Variants in LGSN observed in about 807,000 individuals in gnomAD.
The protein encoded by LGSN is lengsin, lens protein with glutamine synthetase domain, also known as lengsin.
LGSN carries 21 observed loss-of-function variants against 19.5 expected under a neutral mutation model. That is an observed-to-expected ratio of 1.07 (90% CI 0.76 to 1.55). The LOEUF (loss-of-function observed/expected upper bound fraction) is 1.55. Ranked by LOEUF, LGSN falls within the 40% of genes most tolerant of loss-of-function variation. The pLI is 0.00. For synonymous variants in LGSN, 257 were observed against 215.6 expected (o/e 1.19, Z -1.68); for missense variants, 673 against 608.5 (o/e 1.11, Z -1.12).
chr6:63,512,692 T>G, the LGSN span, among the ~76,000 whole-genome samples: 3 of 152,162 alleles, frequency 2.0e-5, no homozygotes, highest in Non-Finnish European at 2.9e-5. Context: ...TCAGATAACA[T>G]GTTGAAGGAT....
the LGSN span, among the ~76,000 whole-genome samples, chr6:63,529,170 T>C: frequency 2.7e-5 from 4 of 147,516 alleles, no homozygotes; most frequent in Non-Finnish European, 6.0e-5. Context: ...TGTGTATATA[T>C]ATATATGTAT....
intron 2 of LGSN, among the ~76,000 whole-genome samples, 200 bp from the exon 3 acceptor site, chr6:63,285,953 G>C (rs1029725520): frequency 3.3e-5 from 5 of 152,082 alleles, no homozygotes; most frequent in African/African-American, 1.2e-4. Context: ...TAAACAACCT[G>C]AGAGATCATT....
chr6:63,526,702 G>A, the LGSN span, among the ~76,000 whole-genome samples: 3 of 150,290 alleles, frequency 2.0e-5, no homozygotes, highest in South Asian at 2.1e-4. Context: ...CAGCTACTCC[G>A]GAGGCTGCAT....
At chr6:63,390,683 C>T in the LGSN span, among the ~76,000 whole-genome samples, 2 of 150,826 alleles carry the variant, frequency 1.3e-5, no homozygotes, top group Non-Finnish European at 3.0e-5. Flanking sequence ...GGTGAAACCC[C>T]GTCTCTACTA....
At chr6:63,534,853 T>G in the LGSN span, among the ~76,000 whole-genome samples, 3 of 91,500 alleles carry the variant, frequency 3.3e-5, no homozygotes, top group African/African-American at 8.1e-5. Flanking sequence ...ATTTCTGTAC[T>G]AAATTCTTTA....
the LGSN span, among the ~76,000 whole-genome samples, chr6:63,467,753 G>A: frequency 4.6e-5 from 7 of 152,246 alleles, no homozygotes; most frequent in East Asian, 1.9e-4. Flanking sequence ...GTGCGGTGGC[G>A]TGATCTCGGC....
the LGSN span, among the ~76,000 whole-genome samples, chr6:63,515,246 T>G: frequency 6.9e-6 from 1 of 144,084 alleles, no homozygotes; most frequent in Non-Finnish European, 1.5e-5. Flanking sequence ...TGTTTGTTTG[T>G]TTTGAGACAG....
At chr6:63,476,535 G>T in the LGSN span, among the ~76,000 whole-genome samples, 1 of 152,194 alleles carries the variant, frequency 6.6e-6, no homozygotes, top group Admixed American at 6.5e-5. Context: ...GGATGTCAAA[G>T]ATACAAGGCA....
the LGSN span, among the ~76,000 whole-genome samples, chr6:63,379,950 G>T: frequency 8.1e-3 from 1,230 of 151,940 alleles, 13 homozygotes; most frequent in South Asian, 0.026. Flanking sequence ...CAATTTTCCT[G>T]CCTCAGCCTC....
the LGSN span, chr6:63,550,340 T>C: frequency 6.6e-6 from 1 of 151,720 alleles, no homozygotes; most frequent in Non-Finnish European, 1.5e-5. Context: ...ATAAAAGGAG[T>C]TGTGAGAGGC....
chr6:63,294,820 CA>C (rs1009632868), intron 2 of LGSN, 92 bp downstream of exon 2: 11 of 1,314,540 alleles, frequency 8.4e-6, no homozygotes, highest in Non-Finnish European at 9.7e-6. Context: ...TTGCTTCTCC[CA>C]AAAAAGAAAT....
the LGSN span, among the ~76,000 whole-genome samples, chr6:63,564,771 G>C: frequency 6.6e-6 from 1 of 152,106 alleles, no homozygotes; most frequent in Admixed American, 6.5e-5. Flanking sequence ...TGGCCTTCCT[G>C]ATTTTCAATT....
chr6:63,506,253 GTGTTGT>G, the LGSN span, among the ~76,000 whole-genome samples: 1 of 44,424 alleles, frequency 2.3e-5, no homozygotes, highest in African/African-American at 1.2e-4. Flanking sequence ...GGTGGTGGTG[GTGTTGT>G]TGTTGTTGTT....
chr6:63,554,660 G>A, the LGSN span, among the ~76,000 whole-genome samples: 1 of 152,062 alleles, frequency 6.6e-6, no homozygotes, highest in South Asian at 2.1e-4. Flanking sequence ...AGACATGGTG[G>A]CATGTAGTCC....
chr6:63,386,403 T>C, the LGSN span, among the ~76,000 whole-genome samples: 1 of 151,656 alleles, frequency 6.6e-6, no homozygotes, highest in African/African-American at 2.4e-5. Flanking sequence ...TTTATTTTAC[T>C]ATTATTATTA....
At chr6:63,486,928 C>T in the LGSN span, among the ~76,000 whole-genome samples, 132 of 151,824 alleles carry the variant, frequency 8.7e-4, no homozygotes, top group Admixed American at 4.7e-3. Flanking sequence ...CTCCACCTCC[C>T]GGGTTCCAGT....
chr6:63,300,664 CA>C lies in LGSN; in HGVS notation c.31-5620del, dbSNP rs201071151. Among the ~76,000 whole-genome samples the C allele has an allele frequency of 8.3e-4, 125 of 151,500 alleles. 2 individuals are homozygous for C. The East Asian group carries it at 0.018, about 22-fold the overall frequency. The stretch of plus-strand genomic sequence containing the variant: ...CTGGGTGACAAAGCAAGATCTATCT[CA>C]AAAAATAAAAATAAAAAATAAGAAT... On this transcript the variant is annotated intron_variant, in intron 1 of 3. Coordinates refer to ENST00000370657, the MANE Select transcript of LGSN (RefSeq NM_016571.3).
the LGSN span, among the ~76,000 whole-genome samples, chr6:63,485,298 G>A: frequency 1.2e-4 from 19 of 152,044 alleles, 1 homozygote; most frequent in Admixed American, 1.2e-3. Flanking sequence ...TTGGTTTTCT[G>A]TTCCTGCATT....
the LGSN span, among the ~76,000 whole-genome samples, chr6:63,491,315 A>G: frequency 2.0e-5 from 3 of 152,172 alleles, no homozygotes. Flanking sequence ...CAAAAATGCC[A>G]AAATTGGCAT....
Sources: allele counts gnomAD v4.1 joint callset (sites outside exome capture counted in the v4.1 genomes callset), GRCh38; gene constraint gnomAD v4.1.1; transcripts MANE v1.5; gene names NCBI Gene and HGNC (gene_info 2026-07-23, HGNC 2026-07-21).